The following WWP2 variants were observed in gnomAD, a reference collection of about 807,000 sequenced individuals.
The protein encoded by WWP2 is NEDD4-like E3 ubiquitin-protein ligase WWP2.
In WWP2, 57 loss-of-function variants were observed where a neutral mutation model predicts 121.0. The ratio of observed to expected loss-of-function variants is 0.47; its 90% CI spans 0.38 to 0.59. WWP2 has a LOEUF of 0.59. Ranked by LOEUF, WWP2 falls within the 20% of genes least tolerant of loss-of-function variation. The probability of loss-of-function intolerance (pLI) is 0.00; values close to 1 mark genes in which losing one functional copy is unlikely to be tolerated. For synonymous variants in WWP2, 449 were observed against 441.3 expected (o/e 1.02, Z -0.22); for missense variants, 962 against 1,158.9 (o/e 0.83, Z 2.47).
At chr16:69,841,908 C>T (rs1010016158) in intron 5 of WWP2, 116 bp from the exon 6 acceptor site, 22 of 962,170 alleles carry the variant, frequency 2.3e-5, no homozygotes, top group South Asian at 1.1e-4. Context: ...GTCCATATCC[C>T]GTGGTGGTGG....
At chr16:69,834,153 A>G (rs145412440) in intron 4 of WWP2, among the ~76,000 whole-genome samples, 3 of 152,254 alleles carry the variant, frequency 2.0e-5, no homozygotes, top group East Asian at 1.9e-4. Context: ...ATGTTGAGCA[A>G]TTTCCAAGGA....
At chr16:69,817,577 T>A (rs1483626328) in intron 4 of WWP2, among the ~76,000 whole-genome samples, 1 of 151,830 alleles carries the variant, frequency 6.6e-6, no homozygotes, top group Non-Finnish European at 1.5e-5. Flanking sequence ...TTTGTATAAA[T>A]GTACCCACAG....
At chr16:69,796,104 A>G (rs560924399) in intron 2 of WWP2, among the ~76,000 whole-genome samples, 68 of 152,110 alleles carry the variant, frequency 4.5e-4, no homozygotes, top group Admixed American at 8.5e-4. Context: ...AGTATTATAA[A>G]AAGTTAAATG....
At chr16:69,901,209 G>A (rs778552888) in intron 8 of WWP2, among the ~76,000 whole-genome samples, 14 of 152,166 alleles carry the variant, frequency 9.2e-5, no homozygotes, top group Non-Finnish European at 1.8e-4. Flanking sequence ...GGAAGAATAG[G>A]ACTTGGCTCA....
intron 7 of WWP2, among the ~76,000 whole-genome samples, chr16:69,874,218 A>G (rs1392350688): frequency 6.6e-6 from 1 of 152,174 alleles, no homozygotes; most frequent in Middle Eastern, 3.2e-3. Flanking sequence ...TGTACTTTAT[A>G]TAACGTCTGC....
chr16:69,815,493 A>AG (rs934800751), intron 4 of WWP2, among the ~76,000 whole-genome samples: 5 of 151,866 alleles, frequency 3.3e-5, no homozygotes, highest in Non-Finnish European at 7.4e-5. Flanking sequence ...TTAAAAAAAA[A>AG]AAAAAAGGAG....
At chr16:69,774,047 G>GTT (rs34176259) in intron 1 of WWP2, among the ~76,000 whole-genome samples, 3 of 150,582 alleles carry the variant, frequency 2.0e-5, no homozygotes, top group Non-Finnish European at 3.0e-5. Flanking sequence ...GGTCAGTGTT[G>GTT]TTTTTTTTTA....
intron 6 of WWP2, among the ~76,000 whole-genome samples, chr16:69,843,604 T>G (rs1221061388): frequency 6.6e-6 from 1 of 152,144 alleles, no homozygotes; most frequent in East Asian, 1.9e-4. Flanking sequence ...CAGTGGCTCA[T>G]GCCTGTAATT....
chr16:69,796,622 G>A lies in WWP2; in HGVS notation c.71-2060G>A, dbSNP rs887894224. Among the ~76,000 whole-genome samples, 28 of 152,326 alleles carry A rather than the reference G, an allele frequency of 1.8e-4. 1 individual carries two copies. The highest frequency in any genetic ancestry group is 1.8e-3 in the Admixed American group (28 of 15,300). On this transcript the variant is annotated intron_variant, in intron 2 of 23. Transcript: ENST00000359154. ...CTTTCGCACCCCTGTAAAGTCAAAC[G>A]TCCTAAGTAATGCACCATTTGTAGT...
chr16:69,857,778 C>T (rs1172836976), intron 6 of WWP2, among the ~76,000 whole-genome samples: 1 of 150,594 alleles, frequency 6.6e-6, no homozygotes, highest in African/African-American at 2.4e-5. Flanking sequence ...CTTCCCACCT[C>T]AGTCTCCCAG....
At chr16:69,863,635 C>T (rs375763288) in intron 6 of WWP2, among the ~76,000 whole-genome samples, 86 of 152,002 alleles carry the variant, frequency 5.7e-4, no homozygotes, top group Middle Eastern at 6.8e-3. Context: ...AGTGAAACTC[C>T]GTCTCAAAAA....
At chr16:69,892,916 G>T (rs1401483510) in intron 8 of WWP2, among the ~76,000 whole-genome samples, 3 of 152,156 alleles carry the variant, frequency 2.0e-5, no homozygotes, top group Non-Finnish European at 4.4e-5. Flanking sequence ...TGTCTTTGGG[G>T]ATAAATTCCC....
Position 69,939,021 on chromosome 16 carries a change from T to G in WWP2, c.2344-6T>G. On this transcript the variant is annotated splice_region_variant and splice_polypyrimidine_tract_variant and intron_variant, in intron 21 of 23. Coordinates refer to ENST00000359154, the MANE Select transcript of WWP2 (RefSeq NM_001270454.2). ...CCTGACTGTGCCTTGACTTGCGGAC[T>G]TCCAGGTGGTGAAGGAGATGGACAA... 6 of 1,597,188 alleles carry G rather than the reference T, an allele frequency of 3.8e-6. No homozygotes were observed. Among genetic ancestry groups the G allele is most frequent in the Non-Finnish European group, 5.1e-6 (6 of 1,170,908 alleles).
chr16:69,838,723 A>C, intron 4 of WWP2: 3 of 985,406 alleles, frequency 3.0e-6, no homozygotes, highest in Non-Finnish European at 3.6e-6. Flanking sequence ...TTTCCTTTGG[A>C]AACTACAAGT....
chr16:69,829,654 C>T (rs1036588298), intron 4 of WWP2, among the ~76,000 whole-genome samples: 3 of 152,196 alleles, frequency 2.0e-5, no homozygotes, highest in Non-Finnish European at 4.4e-5. Context: ...GATGTCCTGA[C>T]CAGGCCAAGC....
intron 6 of WWP2, among the ~76,000 whole-genome samples, chr16:69,846,715 G>C (rs2057087305): frequency 6.7e-6 from 1 of 148,972 alleles, no homozygotes. Flanking sequence ...GTGAGACTCT[G>C]TCTCAAGAAA....
chr16:69,837,442 T>A lies in WWP2; in HGVS notation c.341-2684T>A, dbSNP rs2056897266. 2.0e-5 allele frequency among the ~76,000 whole-genome samples: 3 copies of A among 152,198 alleles called. No homozygotes were observed. In the South Asian group the frequency reaches 6.2e-4, roughly 32 times the overall value. ...TCTGAGCCTTCAAATATATAATGAT[T>A]CCACTGGAGACAATGAGTAGATAAA... On this transcript the variant is annotated intron_variant, in intron 4 of 23. Coordinates refer to ENST00000359154, the MANE Select transcript of WWP2 (RefSeq NM_001270454.2).
rs567645942 is a variant in WWP2 at position 69,885,001 on chromosome 16, C to T, written c.704-3038C>T. Among the ~76,000 whole-genome samples the T allele has an allele frequency of 2.1e-4, 32 of 152,092 alleles. No individual in the cohort carries two copies. In the East Asian group the frequency reaches 4.8e-3, roughly 23 times the overall value. On this transcript the variant is annotated intron_variant, in intron 7 of 23. Coordinates refer to ENST00000359154, the MANE Select transcript of WWP2 (RefSeq NM_001270454.2). ...ATTAATTGACACTTGCCTATTCATA[C>T]ATCAGTACCACATTGTTTTAATTGC...
intron 6 of WWP2, among the ~76,000 whole-genome samples, chr16:69,851,452 A>T (rs1205531990): frequency 6.6e-6 from 1 of 152,124 alleles, no homozygotes; most frequent in Non-Finnish European, 1.5e-5. Context: ...GCCTTGTCAG[A>T]TTGGCTTCTT....
Sources: gnomAD v4.1 joint callset for allele counts (sites outside exome capture counted in the v4.1 genomes callset) on GRCh38, gnomAD v4.1.1 for gene constraint, MANE v1.5 for transcripts, NCBI Gene and HGNC (gene_info 2026-07-23, HGNC 2026-07-21) for gene names.